The following CFAP161 variants were observed in gnomAD, a reference collection of about 807,000 sequenced individuals.
CFAP161 encodes cilia and flagella associated protein 161.
Under a neutral mutation model 29.0 loss-of-function variants are expected in CFAP161, and 25 were observed. That is an observed-to-expected ratio of 0.86 (90% CI 0.63 to 1.20). The LOEUF (loss-of-function observed/expected upper bound fraction) is 1.20. CFAP161 is among the 50% of genes most tolerant of loss of function. The pLI is 0.00. For missense variants in CFAP161, 367 were observed against 371.9 expected (o/e 0.99, Z 0.11); for synonymous variants, 116 against 137.4 (o/e 0.84, Z 1.09).
intron 5 of CFAP161, among the ~76,000 whole-genome samples, chr15:81,147,271 T>C (rs1895024496): frequency 6.6e-6 from 1 of 152,150 alleles, no homozygotes; most frequent in African/African-American, 2.4e-5. Context: ...GTTGTTGTTC[T>C]TTCTTTCTTC....
intron 1 of CFAP161, among the ~76,000 whole-genome samples, chr15:81,101,743 A>C (rs1422628144): frequency 6.6e-6 from 1 of 152,128 alleles, no homozygotes; most frequent in Non-Finnish European, 1.5e-5. Context: ...TCCAGCCCAC[A>C]GTGTCAGGGA....
chr15:81,134,220 C>A, upstream of CFAP161: 2 of 1,326,530 alleles, frequency 1.5e-6, no homozygotes, highest in South Asian at 1.4e-5. Flanking sequence ...GCTTATTGGC[C>A]AGCAGGGTCC....
intron 1 of CFAP161, among the ~76,000 whole-genome samples, chr15:81,109,455 A>G (rs1320319195): frequency 3.3e-5 from 5 of 152,188 alleles, no homozygotes; most frequent in Non-Finnish European, 5.9e-5. Context: ...GGCACCCATC[A>G]AGTAGAAAGT....
At chr15:81,133,223 ATGTATTTT>A (rs1490197172), upstream of CFAP161, among the ~76,000 whole-genome samples, 1,008 of 25,622 alleles carry the variant, frequency 0.039, 60 homozygotes, top group Non-Finnish European at 0.067. Flanking sequence ...ATATATATAT[ATGTATTTT>A]TTTTTAAATT....
intron 1 of CFAP161, among the ~76,000 whole-genome samples, chr15:81,124,860 C>T (rs1894620500): frequency 6.6e-6 from 1 of 151,856 alleles, no homozygotes; most frequent in Admixed American, 6.6e-5. Flanking sequence ...GTAATATTCC[C>T]CTTATCATTT....
chr15:81,124,624 T>C (rs1894617535), intron 1 of CFAP161, among the ~76,000 whole-genome samples: 1 of 152,192 alleles, frequency 6.6e-6, no homozygotes, highest in Non-Finnish European at 1.5e-5. Flanking sequence ...AGAATTCAGA[T>C]GTGAATCCAT....
At chr15:81,118,828 A>T (rs1894534460) in intron 1 of CFAP161, among the ~76,000 whole-genome samples, 1 of 152,192 alleles carries the variant, frequency 6.6e-6, no homozygotes, top group South Asian at 2.1e-4. Flanking sequence ...ATTTTGGAAG[A>T]ATCAGGTAGG....
chr15:81,131,598 G>T (rs989223561), upstream of CFAP161, among the ~76,000 whole-genome samples: 2 of 152,044 alleles, frequency 1.3e-5, no homozygotes, highest in Admixed American at 6.5e-5. Flanking sequence ...ACAAAAATTT[G>T]CAAACTTGAA....
intron 1 of CFAP161, among the ~76,000 whole-genome samples, chr15:81,107,685 A>C (rs1328889861): frequency 1.3e-5 from 2 of 152,204 alleles, no homozygotes; most frequent in East Asian, 3.8e-4. Context: ...AGATCATGCC[A>C]TTGCACTCCA....
At chr15:81,134,500 C>T (rs1274946986) in intron 1 of CFAP161, 102 bp downstream of exon 1, 1 of 1,172,200 alleles carries the variant, frequency 8.5e-7, no homozygotes, top group Non-Finnish European at 1.2e-6. Context: ...TCCTCTCTCT[C>T]CCAGCATACA....
At chr15:81,117,049 T>C (rs1034719181) in intron 1 of CFAP161, among the ~76,000 whole-genome samples, 4 of 152,148 alleles carry the variant, frequency 2.6e-5, no homozygotes, top group African/African-American at 7.2e-5. Context: ...GATTTTTACA[T>C]ACAGTTTTAA....
intron 1 of CFAP161, among the ~76,000 whole-genome samples, chr15:81,116,978 C>G (rs1894506587): frequency 6.6e-6 from 1 of 152,116 alleles, no homozygotes. Context: ...GCACTGATCA[C>G]TTAGGAATCT....
At chr15:81,115,543 C>CATAATAAGAA (rs1894486864) in intron 1 of CFAP161, among the ~76,000 whole-genome samples, 1 of 151,570 alleles carries the variant, frequency 6.6e-6, no homozygotes, top group South Asian at 2.1e-4. Flanking sequence ...AGTGCTGAGC[C>CATAATAAGAA]AGTATTATTT....
chr15:81,137,436 A>T (rs1341390684), intron 3 of CFAP161, among the ~76,000 whole-genome samples: 1 of 152,092 alleles, frequency 6.6e-6, no homozygotes, highest in Non-Finnish European at 1.5e-5. Flanking sequence ...CTCTACAAAA[A>T]ATACAAAAAA....
intron 4 of CFAP161, among the ~76,000 whole-genome samples, 186 bp downstream of exon 4, chr15:81,138,321 T>C (rs1434629065): frequency 1.3e-5 from 2 of 152,162 alleles, no homozygotes; most frequent in East Asian, 3.8e-4. Flanking sequence ...CCTTTTAACT[T>C]CCCAAATTAC....
chr15:81,120,771 T>G (rs1360541787), intron 1 of CFAP161, among the ~76,000 whole-genome samples: 1 of 152,168 alleles, frequency 6.6e-6, no homozygotes, highest in Admixed American at 6.5e-5. Flanking sequence ...CTTATATAAA[T>G]CTGAGAAGTT....
chr15:81,118,723 A>G (rs942127492), intron 1 of CFAP161, among the ~76,000 whole-genome samples: 2 of 152,260 alleles, frequency 1.3e-5, no homozygotes, highest in African/African-American at 4.8e-5. Context: ...ACGACCCGCC[A>G]GCGGAGCCCA....
At chr15:81,115,037 G>GA (rs1894480462) in intron 1 of CFAP161, among the ~76,000 whole-genome samples, 1 of 152,186 alleles carries the variant, frequency 6.6e-6, no homozygotes, top group Non-Finnish European at 1.5e-5. Flanking sequence ...GTGATGCCAA[G>GA]TCCAAGGTGG....
intron 5 of CFAP161, among the ~76,000 whole-genome samples, chr15:81,145,112 G>T (rs1894985201): frequency 6.6e-6 from 1 of 152,190 alleles, no homozygotes; most frequent in African/African-American, 2.4e-5. Flanking sequence ...CATGGCCAGG[G>T]TTCGCTTGCT....
Sources: gnomAD v4.1 joint callset for allele counts (sites outside exome capture counted in the v4.1 genomes callset) on GRCh38, gnomAD v4.1.1 for gene constraint, MANE v1.5 for transcripts, NCBI Gene and HGNC (gene_info 2026-07-23, HGNC 2026-07-21) for gene names.